The following DEFB125 variants were observed in gnomAD, a reference collection of about 807,000 sequenced individuals.
DEFB125 encodes beta-defensin 125.
A neutral mutation model predicts 11.8 loss-of-function variants in DEFB125; 11 were observed. The observed-to-expected ratio is 0.94, with a 90% confidence interval of 0.59 to 1.55. The LOEUF is 1.55. DEFB125 is among the 40% of genes most tolerant of loss of function. The pLI, the probability that DEFB125 is intolerant of heterozygous loss-of-function variation, is 0.00. For missense variants in DEFB125, 198 were observed against 191.2 expected, an observed-to-expected ratio of 1.04 and a Z score of -0.21; for synonymous variants, 79 against 66.7, an observed-to-expected ratio of 1.18 and a Z score of -0.90.
At chr20:89,916 A>G (rs1485817730) in intron 1 of DEFB125, among the ~76,000 whole-genome samples, 1 of 151,862 alleles carries the variant, frequency 6.6e-6, no homozygotes, top group African/African-American at 2.4e-5. Context: ...GTGTTCTCTT[A>G]TAGGTTTTGT....
intron 1 of DEFB125, among the ~76,000 whole-genome samples, chr20:93,675 C>G (rs1238974239): frequency 6.6e-6 from 1 of 152,186 alleles, no homozygotes; most frequent in African/African-American, 2.4e-5. Context: ...ACAACTTTCC[C>G]CATAACCTTT....
intron 1 of DEFB125, among the ~76,000 whole-genome samples, chr20:89,235 A>T (rs1329435438): frequency 6.6e-6 from 1 of 152,166 alleles, no homozygotes; most frequent in African/African-American, 2.4e-5. Flanking sequence ...AACTGTGCCT[A>T]TGATCTGTTA....
At chr20:88,918 T>C (rs1453044281) in intron 1 of DEFB125, among the ~76,000 whole-genome samples, 1 of 151,124 alleles carries the variant, frequency 6.6e-6, no homozygotes, top group East Asian at 1.9e-4. Context: ...CCAGAAAAGC[T>C]GAACTATTCT....
chr20:87,815 C>A (rs775914198), intron 1 of DEFB125, 48 bp downstream of exon 1: 9 of 1,586,596 alleles, frequency 5.7e-6, no homozygotes, highest in Non-Finnish European at 7.8e-6. Flanking sequence ...TGAGTTGTTG[C>A]CCTTGGGCTC....
rs748677322 is a variant in DEFB125, at chr20:96,183, A to G, written c.237A>G (p.Thr79=). The G allele has an allele frequency of 6.2e-6, 10 of 1,614,190 alleles. No homozygotes were observed. The highest frequency in any genetic ancestry group is 1.1e-5 in the South Asian group (1 of 91,080). ...AFPVIHLEDI[T]LDYSDVDSFT... The stretch of plus-strand genomic sequence containing the variant: ...CTGTGATTCACCTAGAGGATATAAC[A>G]TTGGATTATAGTGATGTGGACTCTT... The change falls in exon 2 of 2, where the codon ACA becomes ACG. Residue 79 remains threonine (T), a synonymous_variant. Transcript: ENST00000382410.
At chr20:94,214 C>A (rs1192259214) in intron 1 of DEFB125, among the ~76,000 whole-genome samples, 1 of 151,878 alleles carries the variant, frequency 6.6e-6, no homozygotes, top group African/African-American at 2.4e-5. Context: ...ATGATCAAAT[C>A]AGGGTAATTA....
chr20:96,663 T>C lies in DEFB125; in HGVS notation c.*246T>C. On this transcript the variant is annotated 3_prime_UTR_variant, in exon 2 of 2. Coordinates refer to ENST00000382410, the MANE Select transcript of DEFB125 (RefSeq NM_153325.4). ...TTGGACTTAAATTCTTTATCTGTCTTCCTCCGATGTACTCAAATATATGAG... is the reference window on the plus strand; with the variant it reads ...TTGGACTTAAATTCTTTATCTGTCTCCCTCCGATGTACTCAAATATATGAG... 2.2e-6 allele frequency: 1 copy of C among 447,854 alleles called. No homozygotes were observed. The highest frequency in any genetic ancestry group is 3.9e-6 in the Non-Finnish European group (1 of 255,664). The allele number at this position is 447,854 out of a possible 1,614,324, so 27.7% of individuals were successfully genotyped here.
Position 87,757 on chromosome 20 carries a change from G to A in DEFB125, c.48G>A (p.Arg16=). The A allele has an allele frequency of 6.2e-7, 1 of 1,613,076 alleles. No homozygotes were observed. The highest frequency in any genetic ancestry group is 8.5e-7 in the Non-Finnish European group (1 of 1,179,190). ...TCATTATCTGTGGGTTGCTAACTCGGGTGACCAAAGGTAATGGAACCCTAT... is the reference window on the plus strand; with the variant it reads ...TCATTATCTGTGGGTTGCTAACTCGAGTGACCAAAGGTAATGGAACCCTAT... ...LTFIICGLLT[R]VTKGSFEPQK... The change falls in exon 1 of 2, where the codon CGG becomes CGA. Residue 16 remains arginine, a synonymous_variant. Coordinates refer to ENST00000382410, the MANE Select transcript of DEFB125 (RefSeq NM_153325.4).
intron 1 of DEFB125, among the ~76,000 whole-genome samples, chr20:92,728 CTTTA>C (rs2054501024): frequency 6.6e-6 from 1 of 152,000 alleles, no homozygotes. Context: ...TTGTCCTGAC[CTTTA>C]TTTGTCTTTT....
Position 92,972 on chromosome 20 carries a change from T to C in DEFB125, c.59-3033T>C, listed in dbSNP as rs1040475477. Among the ~76,000 whole-genome samples, 3 of 41,474 alleles carry C rather than the reference T, an allele frequency of 7.2e-5. No homozygotes were observed. The East Asian group carries it at 1.4e-3, about 19-fold the overall frequency. 27.2% of individuals were successfully genotyped at this position (41,474 alleles called of 152,430 possible). The stretch of plus-strand genomic sequence containing the variant: ...TATATTAATCTCTCCTTTTCTGCTT[T>C]TTTTTTTTTTTTTTTGAGATGGAGT... On this transcript the variant is annotated intron_variant, in intron 1 of 1. Coordinates refer to ENST00000382410, the MANE Select transcript of DEFB125 (RefSeq NM_153325.4).
At position 96,146 on chromosome 20, in the gene DEFB125, G is replaced by A. The variant is rs757216800; in HGVS notation, c.200G>A (p.Arg67Gln). 4.3e-6 allele frequency: 7 copies of A among 1,614,060 alleles called. No homozygotes were observed. Among genetic ancestry groups the A allele is most frequent in the South Asian group, 2.2e-5 (2 of 91,048 alleles). ...ATAATATCACATGAATATACTCGAC[G>A]ACCAGCATTTCCTGTGATTCACCTA... is the stretch of plus-strand genomic sequence containing the variant. ...ISIISHEYTR[R>Q]PAFPVIHLED... is the part of the protein sequence containing the mutation. The change falls in exon 2 of 2, where the codon CGA becomes CAA. Residue 67 changes from arginine to glutamine, a missense_variant. Transcript: ENST00000382410.
intron 1 of DEFB125, 26 bp downstream of exon 1, chr20:87,793 T>C (rs1357693011): frequency 6.2e-7 from 1 of 1,611,452 alleles, no homozygotes; most frequent in Non-Finnish European, 8.5e-7. Context: ...AAAGCAGAGA[T>C]GATGACTAGG....
chr20:88,130 C>T (rs1367043178), intron 1 of DEFB125, among the ~76,000 whole-genome samples: 1 of 152,132 alleles, frequency 6.6e-6, no homozygotes, highest in African/African-American at 2.4e-5. Context: ...GTTCTCCTAC[C>T]ATCTTGAATT....
chr20:94,725 G>GT (rs2054508599), intron 1 of DEFB125, among the ~76,000 whole-genome samples: 1 of 152,120 alleles, frequency 6.6e-6, no homozygotes, highest in Non-Finnish European at 1.5e-5. Context: ...CTATCTAGGT[G>GT]TAATTTTCTA....
chr20:87,769 T>C lies in DEFB125; in HGVS notation c.58+2T>C, dbSNP rs1405966886. 6.2e-7 allele frequency: 1 copy of C among 1,612,892 alleles called. No individual in the cohort carries two copies. The highest frequency in any genetic ancestry group is 1.7e-4 in the Middle Eastern group (1 of 6,040). Reference sequence around the variant, plus strand: ...GGTTGCTAACTCGGGTGACCAAAGGTAATGGAACCCTATAAAGCAGAGATG... The same window carrying C: ...GGTTGCTAACTCGGGTGACCAAAGGCAATGGAACCCTATAAAGCAGAGATG... On this transcript the variant is annotated splice_donor_variant, in intron 1 of 1. Coordinates refer to ENST00000382410, the MANE Select transcript of DEFB125 (RefSeq NM_153325.4). LOFTEE classifies it high-confidence loss of function.
At chr20:87,872 G>C (rs1027162765) in intron 1 of DEFB125, 105 bp downstream of exon 1, 8 of 1,235,358 alleles carry the variant, frequency 6.5e-6, no homozygotes, top group Non-Finnish European at 9.5e-6. Context: ...GAAAAATCTG[G>C]GCCAACAAAG....
intron 1 of DEFB125, among the ~76,000 whole-genome samples, chr20:94,424 G>A (rs1206162264): frequency 6.6e-6 from 1 of 152,074 alleles, no homozygotes; most frequent in African/African-American, 2.4e-5. Flanking sequence ...GGTGGTGGTG[G>A]GGATGGTTTC....
At chr20:88,019 C>A (rs146256770) in intron 1 of DEFB125, among the ~76,000 whole-genome samples, 238 of 152,316 alleles carry the variant, frequency 1.6e-3, no homozygotes, top group African/African-American at 5.1e-3. Context: ...CTCTGAGCCA[C>A]CCTATCTGTC....
chr20:87,756 G>C lies in DEFB125; in HGVS notation c.47G>C (p.Arg16Pro), dbSNP rs748102612. Residue 16 changes from arginine to proline, a missense_variant, in exon 1 of 2, where the codon CGG (arginine) becomes CCG (proline). Coordinates refer to ENST00000382410, the MANE Select transcript of DEFB125 (RefSeq NM_153325.4). ...LTFIICGLLTRVTKGSFEPQK... is the reference protein window; with the variant it reads ...LTFIICGLLTPVTKGSFEPQK... ...TTCATTATCTGTGGGTTGCTAACTC[G>C]GGTGACCAAAGGTAATGGAACCCTA... 6.2e-7 allele frequency: 1 copy of C among 1,613,070 alleles called. No homozygotes were observed. Among genetic ancestry groups the C allele is most frequent in the Non-Finnish European group, 8.5e-7 (1 of 1,179,176 alleles).
Sources: gnomAD v4.1 joint callset for allele counts (sites outside exome capture counted in the v4.1 genomes callset) on GRCh38, gnomAD v4.1.1 for gene constraint, MANE v1.5 for transcripts, NCBI Gene and HGNC (gene_info 2026-07-23, HGNC 2026-07-21) for gene names.